The following FRMD4B variants were observed in gnomAD, a reference collection of about 807,000 sequenced individuals.
The protein encoded by FRMD4B is FERM domain containing 4B.
In FRMD4B, 74 loss-of-function variants were observed where a neutral mutation model predicts 141.5. That is an observed-to-expected ratio of 0.52 (90% CI 0.43 to 0.63). The LOEUF (loss-of-function observed/expected upper bound fraction) is 0.63. Among genes scored for constraint, FRMD4B ranks in the 30% least tolerant of loss-of-function variants. The pLI is 0.00. For synonymous variants in FRMD4B, 506 were observed against 467.9 expected (o/e 1.08, Z -1.05); for missense variants, 1,366 against 1,253.4 (o/e 1.09, Z -1.36).
intron 8 of FRMD4B, among the ~76,000 whole-genome samples, chr3:69,224,228 G>T (rs1356297343): frequency 1.3e-5 from 2 of 152,138 alleles, no homozygotes. Flanking sequence ...GAAAATCTCT[G>T]ATCCAAGGAA....
At chr3:69,381,301 G>A (rs62251411) in intron 1 of FRMD4B, among the ~76,000 whole-genome samples, 24,210 of 152,176 alleles carry the variant, frequency 0.16, 1,947 homozygotes, top group South Asian at 0.18. Flanking sequence ...TCCTAGCTTT[G>A]CTAGCCTGAC....
At chr3:69,431,008 A>G (rs566186795) in intron 2 of FRMD4B, among the ~76,000 whole-genome samples, 60 of 152,194 alleles carry the variant, frequency 3.9e-4, no homozygotes, top group Non-Finnish European at 7.8e-4. Flanking sequence ...GGAAAAAGAT[A>G]CAGGAACAAG....
chr3:69,263,817 C>CTTTTTTT lies in FRMD4B; in HGVS notation c.502-13725_502-13719dup, dbSNP rs3032130. Among the ~76,000 whole-genome samples the CTTTTTTT allele has an allele frequency of 3.9e-4, 27 of 68,552 alleles. 2 individuals carry two copies. The highest frequency in any genetic ancestry group is 5.2e-4 in the East Asian group (1 of 1,922). The allele number at this position is 68,552 out of a possible 152,430, so 45.0% of individuals were successfully genotyped here. A position where few individuals can be genotyped will look rare whatever the true frequency, so the allele number is the denominator to read the frequency against. The stretch of plus-strand genomic sequence containing the variant: ...ATCTGACTGAATGGCAACCCCATTC[C>CTTTTTTT]TTTTTTTTTTTTTTTTTTTTTTTTT... On this transcript the variant is annotated intron_variant, in intron 5 of 22. Transcript: ENST00000398540.
Position 69,459,897 on chromosome 3 carries a change from TTTAA to T in FRMD4B, c.-128-27140_-128-27137del, listed in dbSNP as rs756293334. On this transcript the variant is annotated intron_variant, in intron 1 of 5. Coordinates refer to the FRMD4B transcript ENST00000459638. ...GTAGGTGTCTCTATCTACTTATCTA[TTTAA>T]TTAGTTATCCATTATTTATTTTTAT... Among the ~76,000 whole-genome samples, 82 of 152,310 alleles carry T rather than the reference TTTAA, an allele frequency of 5.4e-4. 1 individual carries two copies. Among genetic ancestry groups the T allele is most frequent in the Admixed American group, 4.3e-3 (65 of 15,292 alleles).
chr3:69,497,827 C>T (rs1391080025), intron 1 of FRMD4B, among the ~76,000 whole-genome samples: 3 of 152,086 alleles, frequency 2.0e-5, no homozygotes, highest in Non-Finnish European at 4.4e-5. Flanking sequence ...CTCAAGTGAT[C>T]CTTCCACCTC....
chr3:69,359,217 A>T (rs1703406251), intron 1 of FRMD4B, among the ~76,000 whole-genome samples: 1 of 152,180 alleles, frequency 6.6e-6, no homozygotes, highest in African/African-American at 2.4e-5. Context: ...AGGAAAATAA[A>T]GCAGGAGGAC....
At chr3:69,200,277 A>C (rs2092952845) in intron 11 of FRMD4B, 1 of 309,964 alleles carries the variant, frequency 3.2e-6, no homozygotes, top group African/African-American at 2.2e-5. Flanking sequence ...CACCCTAAAA[A>C]CACAGCCCTC....
chr3:69,212,572 A>G (rs1278011640), intron 11 of FRMD4B, among the ~76,000 whole-genome samples: 1 of 152,150 alleles, frequency 6.6e-6, no homozygotes, highest in Non-Finnish European at 1.5e-5. Flanking sequence ...AGTGTCAAGA[A>G]GTATTTGCCA....
intron 1 of FRMD4B, among the ~76,000 whole-genome samples, chr3:69,332,059 C>T (rs1441622084): frequency 6.6e-6 from 1 of 152,102 alleles, no homozygotes; most frequent in Non-Finnish European, 1.5e-5. Context: ...TGCATTCCAG[C>T]CTGGGCGACA....
At chr3:69,241,628 G>A (rs183804828) in intron 7 of FRMD4B, among the ~76,000 whole-genome samples, 22 of 152,206 alleles carry the variant, frequency 1.4e-4, no homozygotes, top group Non-Finnish European at 2.2e-4. Context: ...GGGTGCAGTC[G>A]CTCACACCTG....
chr3:69,468,351 T>C (rs1029565487), intron 1 of FRMD4B, among the ~76,000 whole-genome samples: 14 of 152,158 alleles, frequency 9.2e-5, no homozygotes, highest in African/African-American at 3.4e-4. Context: ...TCTTGTGTAG[T>C]AGACACTGTT....
chr3:69,450,075 G>C (rs996412259), intron 1 of FRMD4B, among the ~76,000 whole-genome samples: 8 of 152,220 alleles, frequency 5.3e-5, no homozygotes, highest in African/African-American at 1.9e-4. Flanking sequence ...AAAATGGGGA[G>C]AACGAGGTCA....
chr3:69,240,055 AACACACAC>A (rs375091705), intron 7 of FRMD4B, among the ~76,000 whole-genome samples: 27 of 148,402 alleles, frequency 1.8e-4, no homozygotes, highest in Non-Finnish European at 6.0e-5. Flanking sequence ...CTCTGTCTCA[AACACACAC>A]ACACACACAC....
At chr3:69,440,400 A>T (rs1334349666) in intron 1 of FRMD4B, among the ~76,000 whole-genome samples, 1 of 152,214 alleles carries the variant, frequency 6.6e-6, no homozygotes, top group East Asian at 1.9e-4. Context: ...TTTCTGTCCT[A>T]TTGATCTATT....
chr3:69,185,351 G>T (rs2092754897), intron 19 of FRMD4B, among the ~76,000 whole-genome samples: 1 of 151,360 alleles, frequency 6.6e-6, no homozygotes, highest in South Asian at 2.1e-4. Flanking sequence ...GCAATGTGGA[G>T]GTTATATTTT....
rs1367759411 is a variant in FRMD4B at position 69,417,861 on chromosome 3, C to T, written c.-1+14773G>A. Among the ~76,000 whole-genome samples the T allele has an allele frequency of 5.3e-5, 8 of 152,116 alleles. No homozygotes were observed. The East Asian group carries it at 1.5e-3, about 29-fold the overall frequency. On this transcript the variant is annotated intron_variant, in intron 2 of 5. Transcript: ENST00000459638. ...CAGAGGTTGTAGGGGTGAATCATTC[C>T]TTTCATCTTCCAGCTCTTAGTGGCT...
chr3:69,244,023 C>G (rs1044610135), intron 7 of FRMD4B, among the ~76,000 whole-genome samples: 1 of 151,978 alleles, frequency 6.6e-6, no homozygotes, highest in African/African-American at 2.4e-5. Context: ...CTAGCCTGGG[C>G]GACAGAGTGA....
chr3:69,209,183 C>T (rs932050054), intron 11 of FRMD4B, among the ~76,000 whole-genome samples: 1 of 151,934 alleles, frequency 6.6e-6, no homozygotes. Context: ...TAAAGCTTTG[C>T]CCAGGGCCAC....
intron 5 of FRMD4B, among the ~76,000 whole-genome samples, chr3:69,278,516 T>G (rs2093628864): frequency 6.6e-6 from 1 of 152,048 alleles, no homozygotes; most frequent in South Asian, 2.1e-4. Context: ...CATGCTGATC[T>G]TGAACACCTG....
Sources: allele counts gnomAD v4.1 joint callset (sites outside exome capture counted in the v4.1 genomes callset), GRCh38; gene constraint gnomAD v4.1.1; transcripts MANE v1.5; gene names NCBI Gene and HGNC (gene_info 2026-07-23, HGNC 2026-07-21).